Variants in IRGM observed in about 807,000 individuals in gnomAD.
IRGM encodes immunity related GTPase M, also known as immunity-related GTPase family M protein.
For synonymous variants in IRGM, 98 were observed against 80.6 expected (o/e 1.22, Z -1.16); for missense variants, 288 against 219.9 (o/e 1.31, Z -1.96).
chr5:150,899,889 G>C (rs1488895569), intron 3 of IRGM, among the ~76,000 whole-genome samples: 1 of 152,060 alleles, frequency 6.6e-6, no homozygotes, highest in Non-Finnish European at 1.5e-5. Context: ...GAATGAAAAT[G>C]ATTATTTCAA....
intron 3 of IRGM, chr5:150,896,392 G>C (rs1234579570): frequency 6.2e-7 from 1 of 1,613,636 alleles, no homozygotes; most frequent in Non-Finnish European, 8.5e-7. Context: ...ACAATGAGTT[G>C]TGACTTCTTA....
chr5:150,882,328 C>T (rs1754457944), intron 3 of IRGM, among the ~76,000 whole-genome samples: 1 of 150,910 alleles, frequency 6.6e-6, no homozygotes, highest in Non-Finnish European at 1.5e-5. Context: ...ATCTACAGAA[C>T]AACCAGAAAA....
intron 3 of IRGM, among the ~76,000 whole-genome samples, chr5:150,899,290 T>C (rs1754910734): frequency 1.3e-5 from 2 of 151,962 alleles, no homozygotes; most frequent in African/African-American, 4.8e-5. Context: ...GGAAAAAGAA[T>C]AGATTCTGAT....
chr5:150,869,759 C>T (rs945682715), intron 1 of IRGM, among the ~76,000 whole-genome samples: 2 of 152,024 alleles, frequency 1.3e-5, no homozygotes, highest in Non-Finnish European at 2.9e-5. Context: ...TCATGAGGCA[C>T]CCACTTATCA....
At chr5:150,850,079 C>T (rs955265597), downstream of IRGM, among the ~76,000 whole-genome samples, 7 of 152,262 alleles carry the variant, frequency 4.6e-5, no homozygotes, top group East Asian at 3.9e-4. Context: ...ACCAAAAATA[C>T]ACCCAGTAGC....
At chr5:150,891,475 G>A (rs1005400447) in intron 3 of IRGM, among the ~76,000 whole-genome samples, 2 of 151,674 alleles carry the variant, frequency 1.3e-5, no homozygotes, top group Non-Finnish European at 2.9e-5. Context: ...TATTTGTTCT[G>A]TTTTTTGTTC....
At chr5:150,856,776 A>G (rs892901050) in intron 1 of IRGM, among the ~76,000 whole-genome samples, 3 of 150,888 alleles carry the variant, frequency 2.0e-5, no homozygotes, top group Non-Finnish European at 4.4e-5. Flanking sequence ...GGCCTGCTGC[A>G]TTTTCTTAAT....
intron 1 of IRGM, among the ~76,000 whole-genome samples, chr5:150,873,366 G>A (rs1754315156): frequency 6.6e-6 from 1 of 152,174 alleles, no homozygotes; most frequent in Non-Finnish European, 1.5e-5. Context: ...CAATGAAGAG[G>A]AGGCCAGGTC....
intron 3 of IRGM, chr5:150,898,622 C>T (rs1223437639): frequency 5.6e-5 from 83 of 1,471,182 alleles, no homozygotes; most frequent in Non-Finnish European, 7.6e-5. Flanking sequence ...ATGTGCACAA[C>T]TACATCCACA....
At chr5:150,874,570 G>C (rs751772142) in intron 1 of IRGM, among the ~76,000 whole-genome samples, 11 of 152,188 alleles carry the variant, frequency 7.2e-5, no homozygotes, top group Non-Finnish European at 1.3e-4. Flanking sequence ...CCTCATTTGG[G>C]TGTGTTATTC....
At chr5:150,890,173 A>G (rs563021768) in intron 3 of IRGM, among the ~76,000 whole-genome samples, 21 of 152,152 alleles carry the variant, frequency 1.4e-4, no homozygotes, top group African/African-American at 5.1e-4. Context: ...GTTTTACACT[A>G]CAAGTTGAAT....
Position 150,848,246 on chromosome 5 carries a change from C to G in IRGM, c.123C>G (p.Asp41Glu). Residue 41 changes from aspartate (D) to glutamate (E), a missense_variant, in exon 2 of 2, where the codon GAC becomes GAG. Transcript: ENST00000522154. ...RTPVNITMAG[D>E]SGNGMSTFIS... ...CAGTTAACATCACTATGGCAGGGGA[C>G]TCTGGCAATGGGATGTCCACCTTCA... 1.3e-6 allele frequency: 2 copies of G among 1,551,794 alleles called. No homozygotes were observed. Among genetic ancestry groups the G allele is most frequent in the Non-Finnish European group, 1.7e-6 (2 of 1,146,972 alleles).
At position 150,871,978 on chromosome 5, in the gene IRGM, G is replaced by A. The variant is rs563864468; in HGVS notation, c.159-6002G>A. ...GATAGATTTTTGTAATTTTATGTTT[G>A]ATTTGACATTCATTTTTAATCTCCC... On this transcript the variant is annotated intron_variant and NMD_transcript_variant, in intron 1 of 3. Transcript: ENST00000520549. 2.6e-5 allele frequency among the ~76,000 whole-genome samples: 4 copies of A among 152,196 alleles called. No individual in the cohort carries two copies. In the South Asian group the frequency reaches 8.3e-4, roughly 32 times the overall value.
At chr5:150,888,317 A>G (rs754321540) in intron 3 of IRGM, among the ~76,000 whole-genome samples, 1 of 152,084 alleles carries the variant, frequency 6.6e-6, no homozygotes, top group Non-Finnish European at 1.5e-5. Flanking sequence ...AAGTTCTTAG[A>G]GACCTACAAA....
At chr5:150,895,753 T>C (rs866282218) in intron 3 of IRGM, 3 of 1,613,656 alleles carry the variant, frequency 1.9e-6, no homozygotes, top group Admixed American at 1.7e-5. Context: ...CCACATTCAC[T>C]ACATTTATAG....
chr5:150,877,930 T>C (rs780273297), intron 1 of IRGM: 31 of 441,826 alleles, frequency 7.0e-5, no homozygotes, highest in South Asian at 4.9e-4. Flanking sequence ...TTTGTTTGCA[T>C]GTTTAAATCA....
chr5:150,878,250 T>C (rs987992474), intron 2 of IRGM: 5 of 318,068 alleles, frequency 1.6e-5, no homozygotes, highest in African/African-American at 1.1e-4. Context: ...CCCAACTTCC[T>C]GACTCAGCTT....
rs201347849 is a variant in IRGM, at chr5:150,885,353, C to T, written c.*140+5707C>T. Among the ~76,000 whole-genome samples, 84 of 150,304 alleles carry T rather than the reference C, an allele frequency of 5.6e-4. 1 individual carries two copies. In the East Asian group the frequency reaches 0.012, roughly 22 times the overall value. ...TAGTTTGAAGTTGGGTAACATAATG[C>T]CTCCAGCTTTGTTCTTTTTGTGTAG... On this transcript the variant is annotated intron_variant and NMD_transcript_variant, in intron 3 of 3. Coordinates refer to the IRGM transcript ENST00000520549.
At chr5:150,872,531 T>A (rs1754300355) in intron 1 of IRGM, among the ~76,000 whole-genome samples, 1 of 151,910 alleles carries the variant, frequency 6.6e-6, no homozygotes, top group African/African-American at 2.4e-5. Context: ...ACTACTTGAG[T>A]TTTCTAATTT....
Sources: gnomAD v4.1 joint callset for allele counts (sites outside exome capture counted in the v4.1 genomes callset) on GRCh38, gnomAD v4.1.1 for gene constraint, MANE v1.5 for transcripts, NCBI Gene and HGNC (gene_info 2026-07-23, HGNC 2026-07-21) for gene names.